The following GLI3 variants were observed in gnomAD, a reference collection of about 807,000 sequenced individuals.
The protein encoded by GLI3 is transcription activator GLI3.
GLI3 carries 20 observed loss-of-function variants against 100.8 expected under a neutral mutation model. The ratio of observed to expected loss-of-function variants is 0.20; its 90% CI spans 0.14 to 0.29. GLI3 has a LOEUF of 0.29. Ranked by LOEUF, GLI3 falls within the 10% of genes least tolerant of loss-of-function variation. The pLI is 1.00. For missense variants in GLI3, 2,040 were observed against 2,128.5 expected, an observed-to-expected ratio of 0.96 and a Z score of 0.82; for synonymous variants, 938 against 860.5, an observed-to-expected ratio of 1.09 and a Z score of -1.58.
At chr7:42,057,128 C>T (rs1211058037) in intron 4 of GLI3, among the ~76,000 whole-genome samples, 3 of 152,144 alleles carry the variant, frequency 2.0e-5, no homozygotes, top group Non-Finnish European at 4.4e-5. Flanking sequence ...ATAATTACTT[C>T]CAGCATTTTC....
intron 1 of GLI3, among the ~76,000 whole-genome samples, chr7:42,230,288 G>C (rs953365890): frequency 2.6e-5 from 4 of 152,070 alleles, no homozygotes; most frequent in Non-Finnish European, 2.9e-5. Context: ...GGTAGCTCAG[G>C]GTTCCCCAAA....
intron 2 of GLI3, among the ~76,000 whole-genome samples, chr7:42,193,855 A>G (rs1282758317): frequency 6.6e-6 from 1 of 152,186 alleles, no homozygotes; most frequent in African/African-American, 2.4e-5. Context: ...GTTACCTACA[A>G]CTCAGATTTA....
intron 2 of GLI3, among the ~76,000 whole-genome samples, chr7:42,220,675 C>A (rs1295712888): frequency 6.6e-6 from 1 of 152,146 alleles, no homozygotes; most frequent in South Asian, 2.1e-4. Context: ...TAAAAAAGAC[C>A]ATGGTAATTA....
At chr7:42,187,202 C>A (rs1583631943) in intron 2 of GLI3, among the ~76,000 whole-genome samples, 2 of 132,666 alleles carry the variant, frequency 1.5e-5, no homozygotes, top group African/African-American at 5.8e-5. Context: ...CAGAGTGAGA[C>A]CCTGTCTCAA....
At chr7:42,068,617 C>A (rs1489287596) in intron 4 of GLI3, among the ~76,000 whole-genome samples, 1 of 152,102 alleles carries the variant, frequency 6.6e-6, no homozygotes, top group Non-Finnish European at 1.5e-5. Context: ...TGATTTTCCC[C>A]GGGGCAGGGA....
intron 1 of GLI3, 54 bp from the exon 2 acceptor site, chr7:42,223,349 A>C: frequency 1.8e-6 from 2 of 1,111,372 alleles, no homozygotes; most frequent in South Asian, 1.4e-5. Context: ...AAAAAAAAAA[A>C]ACTTTCAAAA....
intron 2 of GLI3, among the ~76,000 whole-genome samples, chr7:42,202,678 C>T (rs1234692845): frequency 6.6e-6 from 1 of 152,198 alleles, no homozygotes; most frequent in Non-Finnish European, 1.5e-5. Flanking sequence ...TGAGAGCAGC[C>T]AGGTGAATGC....
intron 3 of GLI3, among the ~76,000 whole-genome samples, chr7:42,098,911 A>T (rs373120061): frequency 6.6e-6 from 1 of 152,258 alleles, no homozygotes; most frequent in Middle Eastern, 3.4e-3. Flanking sequence ...TGAAATACAT[A>T]AGCTTGCGTG....
rs1005125648 is a variant in GLI3 at position 41,976,558 on chromosome 7, T to C, written c.1812+1000A>G. Among the ~76,000 whole-genome samples, 5 of 152,316 alleles carry C rather than the reference T, an allele frequency of 3.3e-5. No individual in the cohort carries two copies. In the East Asian group the frequency reaches 9.7e-4, roughly 29 times the overall value. ...TCTGCCCAGCTCTCTGTCTGAAAGA[T>C]CATGAATGTGTTTGACCTGCACTGG... On this transcript the variant is annotated intron_variant, in intron 12 of 14. Transcript: ENST00000395925.
At chr7:42,009,665 A>G (rs990007219) in intron 10 of GLI3, among the ~76,000 whole-genome samples, 5 of 152,068 alleles carry the variant, frequency 3.3e-5, no homozygotes, top group East Asian at 1.9e-4. Context: ...TCTGTTCCCA[A>G]TGGGAAGCCC....
chr7:42,157,181 G>C (rs1583607418), intron 2 of GLI3, among the ~76,000 whole-genome samples: 2 of 152,170 alleles, frequency 1.3e-5, no homozygotes, highest in Non-Finnish European at 2.9e-5. Flanking sequence ...TGCTGCCCGG[G>C]TCAGGTTTCT....
intron 1 of GLI3, among the ~76,000 whole-genome samples, chr7:42,233,643 C>T (rs1457762562): frequency 6.6e-6 from 1 of 152,102 alleles, no homozygotes; most frequent in Non-Finnish European, 1.5e-5. Context: ...TTTCACAGGC[C>T]CATCAAATAA....
At chr7:42,129,241 A>G (rs1012597284) in intron 3 of GLI3, among the ~76,000 whole-genome samples, 1 of 152,216 alleles carries the variant, frequency 6.6e-6, no homozygotes, top group Non-Finnish European at 1.5e-5. Flanking sequence ...ATATATGAGA[A>G]AATGGGGGCT....
intron 3 of GLI3, among the ~76,000 whole-genome samples, chr7:42,099,752 T>C (rs1020906558): frequency 8.5e-5 from 13 of 152,214 alleles, no homozygotes; most frequent in African/African-American, 3.1e-4. Context: ...GCTGGTCCCG[T>C]ACTTGTGGCC....
chr7:42,190,938 A>T (rs939107542), intron 2 of GLI3, among the ~76,000 whole-genome samples: 11 of 152,298 alleles, frequency 7.2e-5, no homozygotes, highest in Admixed American at 7.2e-4. Flanking sequence ...AAGAGATGAT[A>T]AAAAGTAATT....
chr7:42,097,379 G>T (rs1785362675), intron 3 of GLI3, among the ~76,000 whole-genome samples: 1 of 152,222 alleles, frequency 6.6e-6, no homozygotes, highest in Non-Finnish European at 1.5e-5. Flanking sequence ...GGAGATGTGA[G>T]ACAGGAAGCA....
intron 10 of GLI3, among the ~76,000 whole-genome samples, chr7:41,995,651 G>A (rs963143457): frequency 5.3e-5 from 8 of 152,080 alleles, no homozygotes; most frequent in East Asian, 1.9e-4. Flanking sequence ...CAAAGGCCTC[G>A]ACAGAAGAGA....
chr7:42,168,491 T>C (rs895127105), intron 2 of GLI3, among the ~76,000 whole-genome samples: 2 of 152,150 alleles, frequency 1.3e-5, no homozygotes, highest in African/African-American at 2.4e-5. Context: ...AATTGTGATA[T>C]AGCCACACAA....
intron 3 of GLI3, among the ~76,000 whole-genome samples, chr7:42,078,726 G>GTT (rs10709803): frequency 2.6e-4 from 25 of 94,660 alleles, no homozygotes; most frequent in African/African-American, 3.9e-4. Flanking sequence ...ATTTATCACA[G>GTT]TTTTTTTTTT....
Sources: gnomAD v4.1 joint callset for allele counts (sites outside exome capture counted in the v4.1 genomes callset) on GRCh38, gnomAD v4.1.1 for gene constraint, MANE v1.5 for transcripts, NCBI Gene and HGNC (gene_info 2026-07-23, HGNC 2026-07-21) for gene names.